VPS13C: variants seen among roughly 807,000 people sequenced by gnomAD.
VPS13C encodes the protein intermembrane lipid transfer protein VPS13C.
Under a neutral mutation model 456.8 loss-of-function variants are expected in VPS13C, and 358 were observed. That is an observed-to-expected ratio of 0.78 (90% confidence interval 0.72 to 0.86). The LOEUF (loss-of-function observed/expected upper bound fraction) is 0.86, where lower values mean the gene tolerates loss of function less well. VPS13C is among the 40% of genes least tolerant of loss of function. VPS13C has a pLI of 0.00. For synonymous variants in VPS13C, 1,578 were observed against 1,486.7 expected (o/e 1.06, Z -1.41); for missense variants, 4,818 against 4,385.4 (o/e 1.10, Z -2.79).
At chr15:62,007,557 T>A in intron 14 of VPS13C, 78 bp from the exon 15 acceptor site, 1 of 1,249,270 alleles carries the variant, frequency 8.0e-7, no homozygotes, top group Non-Finnish European at 1.0e-6. Flanking sequence ...ACATTTTAGA[T>A]CTTATGCTGT....
chr15:61,921,419 A>G (rs2043650823), intron 55 of VPS13C, among the ~76,000 whole-genome samples: 1 of 152,082 alleles, frequency 6.6e-6, no homozygotes, highest in Admixed American at 6.5e-5. Context: ...AAAACAACAT[A>G]AAAAGATAAC....
intron 22 of VPS13C, among the ~76,000 whole-genome samples, chr15:61,980,012 C>T (rs576223802): frequency 9.2e-4 from 140 of 151,388 alleles, no homozygotes; most frequent in African/African-American, 3.3e-3. Context: ...GGTGAAACCC[C>T]GTCTCTACTA....
chr15:61,864,576 G>A, intron 81 of VPS13C: 3 of 961,314 alleles, frequency 3.1e-6, no homozygotes, highest in Non-Finnish European at 3.7e-6. Flanking sequence ...ATAACCACAA[G>A]CAGAGAAATC....
chr15:62,047,667 G>T (rs1344077644), intron 1 of VPS13C, among the ~76,000 whole-genome samples: 2 of 152,112 alleles, frequency 1.3e-5, no homozygotes, highest in Middle Eastern at 3.2e-3. Context: ...GTGTAAAGAG[G>T]TAAAAGTGCA....
chr15:62,010,293 A>C (rs967169858), intron 13 of VPS13C, among the ~76,000 whole-genome samples, 179 bp downstream of exon 13: 3 of 152,208 alleles, frequency 2.0e-5, no homozygotes, highest in African/African-American at 7.2e-5. Context: ...ATGAAATAAA[A>C]TTTTAAAAAA....
At chr15:61,995,313 A>C (rs1429027438) in intron 16 of VPS13C, among the ~76,000 whole-genome samples, 1 of 152,200 alleles carries the variant, frequency 6.6e-6, no homozygotes, top group Admixed American at 6.5e-5. Context: ...CAATTTGGAG[A>C]GTGACCTGCA....
intron 25 of VPS13C, 88 bp from the exon 26 acceptor site, chr15:61,973,620 A>C: frequency 1.1e-6 from 1 of 930,204 alleles, no homozygotes. Context: ...AAAGTAATAG[A>C]GGATAAAGAG....
intron 40 of VPS13C, 76 bp from the exon 41 acceptor site, chr15:61,950,493 ACTT>A: frequency 8.7e-7 from 1 of 1,150,048 alleles, no homozygotes; most frequent in Non-Finnish European, 1.3e-6. Flanking sequence ...CATATTCTTT[ACTT>A]TTCTAAGTAT....
chr15:61,954,241 A>C (rs2044904610), intron 38 of VPS13C, among the ~76,000 whole-genome samples, 180 bp downstream of exon 38: 1 of 152,180 alleles, frequency 6.6e-6, no homozygotes, highest in Admixed American at 6.6e-5. Flanking sequence ...TTTCTCTATG[A>C]AATATTATAA....
Position 61,881,728 on chromosome 15 carries a change from A to T in VPS13C, c.9706+19T>A, listed in dbSNP as rs2140905699. 6.2e-7 allele frequency: 1 copy of T among 1,607,230 alleles called. No homozygotes were observed. On this transcript the variant is annotated intron_variant, in intron 70 of 84. Transcript: ENST00000644861. ...TTTATAAATAAGGTATATCTATGTC[A>T]CAACTTATTTTATTTTACCTGAATC...
chr15:61,974,728 C>T (rs1283944187), intron 24 of VPS13C, among the ~76,000 whole-genome samples: 1 of 152,108 alleles, frequency 6.6e-6, no homozygotes. Flanking sequence ...ATCAAAGATT[C>T]TTATTATAAA....
intron 67 of VPS13C, among the ~76,000 whole-genome samples, chr15:61,889,182 C>T (rs1896491965): frequency 6.6e-6 from 1 of 151,818 alleles, no homozygotes; most frequent in Admixed American, 6.6e-5. Context: ...ACAGCATATA[C>T]AATATTAAAG....
intron 9 of VPS13C, among the ~76,000 whole-genome samples, chr15:62,015,881 T>C (rs1246189420): frequency 2.3e-5 from 3 of 131,684 alleles, no homozygotes; most frequent in African/African-American, 5.8e-5. Flanking sequence ...CATGTATACA[T>C]ATGTAACTAA....
intron 22 of VPS13C, 35 bp from the exon 23 acceptor site, chr15:61,978,784 A>G (rs746228141): frequency 1.6e-5 from 25 of 1,567,496 alleles, no homozygotes; most frequent in Middle Eastern, 2.1e-4. Flanking sequence ...TTTTTTTTCC[A>G]AAACAGAAAA....
intron 53 of VPS13C, among the ~76,000 whole-genome samples, chr15:61,925,230 C>G (rs1209330034): frequency 2.0e-5 from 3 of 151,898 alleles, no homozygotes; most frequent in African/African-American, 7.3e-5. Context: ...AAAAACTACC[C>G]TGATCATTTG....
intron 68 of VPS13C, among the ~76,000 whole-genome samples, chr15:61,883,208 T>A (rs1566967412): frequency 1.3e-5 from 2 of 150,592 alleles, no homozygotes; most frequent in African/African-American, 4.9e-5. Flanking sequence ...ATTATCTTTT[T>A]TTTTTTTTTG....
At chr15:61,937,108 T>C (rs1376363112) in intron 47 of VPS13C, among the ~76,000 whole-genome samples, 1 of 152,216 alleles carries the variant, frequency 6.6e-6, no homozygotes, top group African/African-American at 2.4e-5. Flanking sequence ...TTCTTCTATA[T>C]TATTTACTCT....
chr15:62,017,766 T>A (rs938996262), intron 9 of VPS13C, among the ~76,000 whole-genome samples: 2 of 152,120 alleles, frequency 1.3e-5, no homozygotes, highest in African/African-American at 4.8e-5. Context: ...CTTGGCAATG[T>A]GGGCTCTTTT....
At position 61,880,639 on chromosome 15, in the gene VPS13C, G is replaced by C. The variant is rs771913019; in HGVS notation, c.9972C>G (p.Phe3324Leu). The change falls in exon 73 of 85, where the codon TTC becomes TTG. Residue 3324 changes from phenylalanine to leucine, a missense_variant. Phe to Leu is a conservative substitution (Grantham distance 22). This residue lies in a region of VPS13C where 4,552 missense variants were observed against 4,130.6 expected (regional missense o/e 1.10). Coordinates refer to ENST00000644861, the MANE Select transcript of VPS13C (RefSeq NM_020821.3). ...TSMTDMSILS[F>L]FEHFHISPVK... Reference sequence around the variant, plus strand: ...CAGGAGAAATATGGAAATGTTCAAAGAAACTAAGAATTGACATATCAGTCA... The same window carrying C: ...CAGGAGAAATATGGAAATGTTCAAACAAACTAAGAATTGACATATCAGTCA... The C allele has an allele frequency of 5.0e-6, 8 of 1,590,414 alleles. No homozygotes were observed. In the South Asian group the frequency reaches 9.3e-5, roughly 19 times the overall value.
Sources: allele counts gnomAD v4.1 joint callset (sites outside exome capture counted in the v4.1 genomes callset), GRCh38; gene constraint gnomAD v4.1.1; regional missense constraint gnomAD v4.1.1; transcripts MANE v1.5; gene names NCBI Gene and HGNC (gene_info 2026-07-23, HGNC 2026-07-21).